The following TG variants were observed in gnomAD, a reference collection of about 807,000 sequenced individuals.
The protein encoded by TG is thyroid hormones.
A neutral mutation model predicts 324.7 loss-of-function variants in TG; 270 were observed. That is an observed-to-expected ratio of 0.83 (90% CI 0.75 to 0.92). The LOEUF (loss-of-function observed/expected upper bound fraction) is 0.92, where lower values mean the gene tolerates loss of function less well. Among genes scored for constraint, TG ranks in the 40% least tolerant of loss-of-function variants. The pLI is 0.00. For synonymous variants in TG, 1,401 were observed against 1,327.0 expected (o/e 1.06, Z -1.21); for missense variants, 3,591 against 3,456.4 (o/e 1.04, Z -0.98).
intron 11 of TG, among the ~76,000 whole-genome samples, chr8:132,896,318 C>A (rs908666995): frequency 6.6e-6 from 1 of 152,228 alleles, no homozygotes; most frequent in Non-Finnish European, 1.5e-5. Flanking sequence ...CTGTATGGGG[C>A]TGCTTCAGAG....
At chr8:132,968,817 A>G (rs1312507769) in intron 31 of TG, among the ~76,000 whole-genome samples, 1 of 152,216 alleles carries the variant, frequency 6.6e-6, no homozygotes, top group Non-Finnish European at 1.5e-5. Context: ...TGGTTTGGGC[A>G]CCAAATAAAT....
At chr8:132,923,603 G>T in intron 22 of TG, 95 bp downstream of exon 22, 1 of 1,414,476 alleles carries the variant, frequency 7.1e-7, no homozygotes, top group Non-Finnish European at 9.5e-7. Context: ...AGGTGCATTT[G>T]TCTCCAACTT....
chr8:133,095,134 A>T lies in TG; in HGVS notation c.7330A>T (p.Met2444Leu). The T allele has an allele frequency of 6.2e-7, 1 of 1,614,236 alleles. No homozygotes were observed. The highest frequency in any genetic ancestry group is 8.5e-7 in the Non-Finnish European group (1 of 1,180,032). ...IALAKEVSCP[M>L]SSSQEVVSCL... ...TTTGGCAAAGGAGGTCAGTTGCCCCATGTCATCCAGCCAAGAAGTGGTGTC... is the reference window on the plus strand; with the variant it reads ...TTTGGCAAAGGAGGTCAGTTGCCCCTTGTCATCCAGCCAAGAAGTGGTGTC... Residue 2444 changes from methionine (M) to leucine (L), a missense_variant, in exon 42 of 48, where the codon ATG (methionine) becomes TTG (leucine). Physicochemically the swap from Met to Leu is conservative, Grantham distance 15. Transcript: ENST00000220616.
chr8:133,024,517 C>A (rs1232926076), intron 40 of TG, among the ~76,000 whole-genome samples: 1 of 151,700 alleles, frequency 6.6e-6, no homozygotes, highest in Non-Finnish European at 1.5e-5. Context: ...GGTTTTAAGC[C>A]CCACATGCAT....
chr8:133,002,066 G>A (rs1394029690), intron 35 of TG: 9 of 985,334 alleles, frequency 9.1e-6, no homozygotes, highest in Non-Finnish European at 1.1e-5. Context: ...TACAATAAAT[G>A]GGATGGGTCT....
chr8:132,995,480 A>C (rs903619652), intron 35 of TG: 1 of 985,152 alleles, frequency 1.0e-6, no homozygotes, highest in African/African-American at 1.7e-5. Context: ...CAGCACCCCA[A>C]AGGAGGCCTC....
chr8:133,060,081 C>T, intron 41 of TG: 1 of 1,575,018 alleles, frequency 6.3e-7, no homozygotes. Flanking sequence ...AAGCATCTCA[C>T]CAGAGAAGCC....
Position 132,982,462 on chromosome 8 carries a change from G to A in TG, c.6200-888G>A, listed in dbSNP as rs374591169. Among the ~76,000 whole-genome samples the A allele has an allele frequency of 2.0e-5, 3 of 152,322 alleles. No homozygotes were observed. The East Asian group carries it at 5.8e-4, about 29-fold the overall frequency. On this transcript the variant is annotated intron_variant, in intron 34 of 47. Transcript: ENST00000220616. ...CATTTATGTGTCACATACTGGGTAT[G>A]AATGGTTCTTCATTTAATGTTTACA...
intron 43 of TG, among the ~76,000 whole-genome samples, chr8:133,098,414 C>T (rs144881300): frequency 1.4e-3 from 220 of 152,326 alleles, no homozygotes; most frequent in Middle Eastern, 6.8e-3. Flanking sequence ...TAAACACTGT[C>T]CGCCCTGGAG....
intron 44 of TG, among the ~76,000 whole-genome samples, chr8:133,115,323 C>T (rs879529019): frequency 6.6e-6 from 1 of 152,174 alleles, no homozygotes; most frequent in Non-Finnish European, 1.5e-5. Context: ...CTGGCAGTTT[C>T]CTGGGCAGTG....
chr8:132,934,257 C>A (rs1225825656), intron 24 of TG, among the ~76,000 whole-genome samples: 1 of 152,090 alleles, frequency 6.6e-6, no homozygotes, highest in Non-Finnish European at 1.5e-5. Context: ...ATCGCTTGAA[C>A]CCGGGAGGTG....
chr8:132,946,736 G>A (rs966437197), intron 26 of TG, among the ~76,000 whole-genome samples: 2 of 152,168 alleles, frequency 1.3e-5, no homozygotes, highest in Non-Finnish European at 2.9e-5. Flanking sequence ...CTGCTTGGAA[G>A]TGGGGCTCTG....
chr8:133,104,291 T>C (rs1035661899), intron 43 of TG, among the ~76,000 whole-genome samples: 2 of 152,232 alleles, frequency 1.3e-5, no homozygotes, highest in Non-Finnish European at 2.9e-5. Context: ...GTTACTGGAA[T>C]GTTTCAAGCT....
intron 17 of TG, among the ~76,000 whole-genome samples, chr8:132,907,229 G>A (rs1818820267): frequency 6.6e-6 from 1 of 152,134 alleles, no homozygotes; most frequent in Admixed American, 6.5e-5. Context: ...AGCTGGATAG[G>A]TGGCTCACAT....
rs904206409 is a variant in TG, at chr8:133,059,183, G to T, written c.7239+29160G>T. On this transcript the variant is annotated intron_variant, in intron 41 of 47. Coordinates refer to ENST00000220616, the MANE Select transcript of TG (RefSeq NM_003235.5). ...CTGCAGGGGCTGCTGGGAACCATGTGTGGTCACCCCTGCGAGGAAATGGGA... is the reference window on the plus strand; with the variant it reads ...CTGCAGGGGCTGCTGGGAACCATGTTTGGTCACCCCTGCGAGGAAATGGGA... 25 of 455,478 alleles carry T rather than the reference G, an allele frequency of 5.5e-5. No individual in the cohort carries two copies. The East Asian group carries it at 9.7e-4, about 18-fold the overall frequency. 28.2% of individuals were successfully genotyped at this position (455,478 alleles called of 1,614,324 possible). A position where few individuals can be genotyped will look rare whatever the true frequency, so the allele number is the denominator to read the frequency against.
At chr8:133,038,469 G>A in intron 41 of TG, 5 of 1,380,898 alleles carry the variant, frequency 3.6e-6, no homozygotes, top group South Asian at 2.3e-5. Flanking sequence ...AAGATCCCAG[G>A]CAATAGTTGG....
intron 25 of TG, among the ~76,000 whole-genome samples, chr8:132,939,570 C>T (rs995739453): frequency 4.6e-5 from 7 of 152,172 alleles, no homozygotes; most frequent in South Asian, 2.1e-4. Flanking sequence ...AGGGAGAAGA[C>T]GCTGGCTTTT....
At chr8:132,935,520 A>G (rs1823452255) in intron 24 of TG, among the ~76,000 whole-genome samples, 1 of 152,108 alleles carries the variant, frequency 6.6e-6, no homozygotes, top group African/African-American at 2.4e-5. Flanking sequence ...CTCTTTCTGA[A>G]TGGAATCAAT....
At chr8:133,051,008 G>A in intron 41 of TG, 1 of 715,352 alleles carries the variant, frequency 1.4e-6, no homozygotes, top group Non-Finnish European at 2.5e-6. Flanking sequence ...ATGAAGATGA[G>A]ATTTTCCAGC....
Sources: gnomAD v4.1 joint callset for allele counts (sites outside exome capture counted in the v4.1 genomes callset) on GRCh38, gnomAD v4.1.1 for gene constraint, MANE v1.5 for transcripts, NCBI Gene and HGNC (gene_info 2026-07-23, HGNC 2026-07-21) for gene names.